Variants in HSD17B14 observed in about 807,000 individuals in gnomAD.
The protein encoded by HSD17B14 is hydroxysteroid 17-beta dehydrogenase 14, also known as L-fucose dehydrogenase.
HSD17B14 carries 32 observed loss-of-function variants against 32.2 expected under a neutral mutation model. The ratio of observed to expected loss-of-function variants is 0.99; its 90% CI spans 0.75 to 1.33. The LOEUF is 1.33. HSD17B14 is among the 40% of genes most tolerant of loss of function. The probability of loss-of-function intolerance (pLI) is 0.00; values close to 1 mark genes in which losing one functional copy is unlikely to be tolerated. For missense variants in HSD17B14, 370 were observed against 366.5 expected, an observed-to-expected ratio of 1.01 and a Z score of -0.08; for synonymous variants, 140 against 155.4, an observed-to-expected ratio of 0.90 and a Z score of 0.74.
At chr19:48,824,819 G>A (rs2035217844) in intron 5 of HSD17B14, among the ~76,000 whole-genome samples, 2 of 151,534 alleles carry the variant, frequency 1.3e-5, no homozygotes, top group Middle Eastern at 3.2e-3. Context: ...ACAATGGGGA[G>A]TTTCAGTACA....
intron 5 of HSD17B14, among the ~76,000 whole-genome samples, chr19:48,820,012 C>T (rs2035119418): frequency 6.6e-6 from 1 of 152,114 alleles, no homozygotes; most frequent in Non-Finnish European, 1.5e-5. Flanking sequence ...CAAAAATTAG[C>T]CAGGCATAGT....
intron 5 of HSD17B14, among the ~76,000 whole-genome samples, chr19:48,823,271 G>A (rs376617959): frequency 1.5e-4 from 23 of 152,122 alleles, no homozygotes; most frequent in Admixed American, 7.9e-4. Context: ...TTGGCTGGGC[G>A]TGGTGGTGCA....
intron 3 of HSD17B14, among the ~76,000 whole-genome samples, chr19:48,832,967 C>T (rs2035371353): frequency 6.6e-6 from 1 of 151,670 alleles, no homozygotes; most frequent in African/African-American, 2.4e-5. Flanking sequence ...GTTAGCCAGG[C>T]TGGTCTCAAA....
At chr19:48,829,583 C>T (rs552824315) in intron 5 of HSD17B14, among the ~76,000 whole-genome samples, 4 of 150,918 alleles carry the variant, frequency 2.7e-5, no homozygotes, top group East Asian at 1.9e-4. Flanking sequence ...GTGATCTGTC[C>T]GCCTTGGCCT....
rs779484573 is a variant in HSD17B14 at position 48,813,154 on chromosome 19, C to T, written c.*21G>A. The T allele has an allele frequency of 4.5e-6, 7 of 1,558,156 alleles. No individual in the cohort carries two copies. Among genetic ancestry groups the T allele is most frequent in the Non-Finnish European group, 6.1e-6 (7 of 1,149,126 alleles). ...GGTGGGAGAGTCCTAGGAAGGGGGCCCCAAGTAGAAATGAGAGAAATCAGG... is the reference window on the plus strand; with the variant it reads ...GGTGGGAGAGTCCTAGGAAGGGGGCTCCAAGTAGAAATGAGAGAAATCAGG... On this transcript the variant is annotated 3_prime_UTR_variant, in exon 9 of 9. Transcript: ENST00000263278.
intron 5 of HSD17B14, among the ~76,000 whole-genome samples, chr19:48,823,698 G>A (rs1409502118): frequency 6.7e-6 from 1 of 148,732 alleles, no homozygotes; most frequent in East Asian, 2.0e-4. Flanking sequence ...GTACAGTGGT[G>A]CAATTTCAGC....
At position 48,832,691 on chromosome 19, in the gene HSD17B14, A is replaced by G. The variant is rs1483232487; in HGVS notation, c.252T>C (p.Asp84=). 4.3e-6 allele frequency: 7 copies of G among 1,613,324 alleles called. 1 individual carries two copies. In the South Asian group the frequency reaches 6.6e-5, roughly 15 times the overall value. Residue 84 remains aspartate (D), a synonymous_variant, in exon 4 of 9, where the codon GAT becomes GAC. Coordinates refer to ENST00000263278, the MANE Select transcript of HSD17B14 (RefSeq NM_016246.3). ...GGTGGCCAGCGTTGTTGACAACACA[A>G]TCCAGGCGGCCAAATCGGCGGATGG... ...SETIRRFGRL[D]CVVNNAGHHP... is the part of the protein sequence containing the mutation.
intron 5 of HSD17B14, among the ~76,000 whole-genome samples, chr19:48,821,931 G>T (rs1033462518): frequency 2.8e-5 from 2 of 71,990 alleles, no homozygotes; most frequent in Non-Finnish European, 3.2e-5. Flanking sequence ...ATGTTGGTGA[G>T]GATGGTGACG....
At chr19:48,833,181 G>A (rs1312731692) in intron 3 of HSD17B14, among the ~76,000 whole-genome samples, 2 of 151,182 alleles carry the variant, frequency 1.3e-5, no homozygotes, top group African/African-American at 2.4e-5. Context: ...AGGGGACTCC[G>A]AGATCAGCAG....
intron 5 of HSD17B14, among the ~76,000 whole-genome samples, chr19:48,827,547 G>T (rs543464129): frequency 3.3e-5 from 5 of 150,150 alleles, no homozygotes; most frequent in Non-Finnish European, 1.5e-5. Context: ...CTTCTCCTTC[G>T]TTTTTTTTTA....
intron 5 of HSD17B14, among the ~76,000 whole-genome samples, chr19:48,816,779 T>TCTTTCTTTC (rs2035057800): frequency 8.2e-6 from 1 of 122,180 alleles, no homozygotes; most frequent in Non-Finnish European, 1.7e-5. Context: ...GCAAGACCCT[T>TCTTTCTTTC]TTTCTTTCTT....
At chr19:48,830,374 C>T (rs1375579233) in intron 5 of HSD17B14, among the ~76,000 whole-genome samples, 2 of 152,128 alleles carry the variant, frequency 1.3e-5, no homozygotes, top group Non-Finnish European at 2.9e-5. Flanking sequence ...GTGTTTAAAG[C>T]CCCTGCACCT....
chr19:48,820,006 A>C (rs34745852), intron 5 of HSD17B14, among the ~76,000 whole-genome samples: 52,338 of 151,744 alleles, frequency 0.34, 9,209 homozygotes, highest in African/African-American at 0.41. Flanking sequence ...AAAATACAAA[A>C]ATTAGCCAGG....
At chr19:48,832,803 G>C in intron 3 of HSD17B14, 71 bp from the exon 4 acceptor site, 1 of 1,296,902 alleles carries the variant, frequency 7.7e-7, no homozygotes, top group Non-Finnish European at 1.1e-6. Flanking sequence ...ACTCAGGCTG[G>C]AGTGCATTGG....
chr19:48,830,710 C>G (rs897105518), intron 5 of HSD17B14, among the ~76,000 whole-genome samples: 5 of 151,966 alleles, frequency 3.3e-5, no homozygotes, highest in African/African-American at 1.2e-4. Context: ...TTTGTAGAGA[C>G]GAGGGTTTCA....
intron 3 of HSD17B14, among the ~76,000 whole-genome samples, chr19:48,834,069 G>C (rs1380674745): frequency 6.6e-6 from 1 of 152,174 alleles, no homozygotes; most frequent in Non-Finnish European, 1.5e-5. Context: ...AAGAGCCTTG[G>C]AGAGGTGTGA....
chr19:48,831,312 G>C (rs546345228), intron 5 of HSD17B14, among the ~76,000 whole-genome samples: 45 of 152,314 alleles, frequency 3.0e-4, no homozygotes, highest in African/African-American at 1.1e-3. Flanking sequence ...ATGGCCAGGC[G>C]TGGTGACTCA....
intron 6 of HSD17B14, among the ~76,000 whole-genome samples, chr19:48,814,382 C>T (rs886829745): frequency 1.3e-5 from 2 of 151,604 alleles, no homozygotes; most frequent in Non-Finnish European, 2.9e-5. Flanking sequence ...TCTAGCTGGG[C>T]GTGGTGACAG....
chr19:48,833,616 T>A (rs924526292), intron 3 of HSD17B14, among the ~76,000 whole-genome samples: 2 of 151,240 alleles, frequency 1.3e-5, no homozygotes, highest in Non-Finnish European at 1.5e-5. Flanking sequence ...CATCTGAGGT[T>A]GGGAGTTCGA....
Sources: allele counts gnomAD v4.1 joint callset (sites outside exome capture counted in the v4.1 genomes callset), GRCh38; gene constraint gnomAD v4.1.1; transcripts MANE v1.5; gene names NCBI Gene and HGNC (gene_info 2026-07-23, HGNC 2026-07-21).